NAV2: variants seen among roughly 807,000 people sequenced by gnomAD.
NAV2 encodes the protein neuron navigator 2, also known as helicase, APC down-regulated 1.
In NAV2, 54 loss-of-function variants were observed where a neutral mutation model predicts 223.2. The ratio of observed to expected loss-of-function variants is 0.24; its 90% CI spans 0.19 to 0.30. NAV2 has a LOEUF of 0.30. NAV2 is among the 10% of genes least tolerant of loss of function. The pLI is 1.00. For synonymous variants in NAV2, 1,279 were observed against 1,239.3 expected (o/e 1.03, Z -0.67); for missense variants, 2,806 against 3,147.5 (o/e 0.89, Z 2.60).
intron 1 of NAV2, among the ~76,000 whole-genome samples, chr11:19,367,360 G>A (rs1848321523): frequency 1.3e-5 from 2 of 152,084 alleles, no homozygotes; most frequent in African/African-American, 4.8e-5. Context: ...TTCTCACATT[G>A]TTTTGAGGAA....
intron 1 of NAV2, among the ~76,000 whole-genome samples, chr11:19,542,398 G>T (rs564020953): frequency 1.3e-5 from 2 of 152,334 alleles, no homozygotes; most frequent in East Asian, 3.9e-4. Context: ...TAAGGAATTT[G>T]TTCATGGCCC....
At chr11:19,984,404 A>G (rs1244204937) in intron 11 of NAV2, among the ~76,000 whole-genome samples, 157 bp downstream of exon 11, 1 of 152,102 alleles carries the variant, frequency 6.6e-6, no homozygotes, top group Non-Finnish European at 1.5e-5. Flanking sequence ...GAGCAGGTAC[A>G]GTAGGTAGGA....
chr11:19,488,115 C>G (rs2042506219), intron 1 of NAV2, among the ~76,000 whole-genome samples: 1 of 152,196 alleles, frequency 6.6e-6, no homozygotes, highest in South Asian at 2.1e-4. Flanking sequence ...TGATCCCAGA[C>G]ATGGCAGTGC....
At chr11:19,760,083 GA>G (rs1270598608) in intron 1 of NAV2, 1 of 152,642 alleles carries the variant, frequency 6.6e-6, no homozygotes, top group Admixed American at 6.5e-5. Context: ...CTATGTATTT[GA>G]AAAAGAAAAA....
intron 26 of NAV2, among the ~76,000 whole-genome samples, chr11:20,088,782 C>T (rs971976410): frequency 5.9e-5 from 9 of 152,150 alleles, no homozygotes; most frequent in African/African-American, 2.2e-4. Flanking sequence ...GGTGCCTTAT[C>T]GTGGAGTGCT....
intron 13 of NAV2, 144 bp downstream of exon 13, chr11:20,044,416 C>A (rs2057241399): frequency 2.7e-6 from 2 of 754,002 alleles, no homozygotes; most frequent in African/African-American, 1.7e-5. Context: ...CTTTCACATC[C>A]CTACCTTTTT....
At chr11:19,638,853 C>G (rs1410093440) in intron 1 of NAV2, among the ~76,000 whole-genome samples, 2 of 152,050 alleles carry the variant, frequency 1.3e-5, no homozygotes, top group Non-Finnish European at 2.9e-5. Flanking sequence ...GTTAGCCAGG[C>G]GTGGTGGCGC....
chr11:19,610,312 A>G (rs2046601057), intron 1 of NAV2, among the ~76,000 whole-genome samples: 1 of 151,996 alleles, frequency 6.6e-6, no homozygotes, highest in Admixed American at 6.5e-5. Context: ...TAAGTTAACA[A>G]AAGATAATAA....
chr11:19,830,041 A>T (rs1233565954), intron 1 of NAV2, among the ~76,000 whole-genome samples: 1 of 152,152 alleles, frequency 6.6e-6, no homozygotes, highest in Non-Finnish European at 1.5e-5. Context: ...CCTGGCCAAC[A>T]TGGTGAAGCC....
chr11:20,039,472 C>A (rs934476235), intron 12 of NAV2, among the ~76,000 whole-genome samples: 19 of 152,152 alleles, frequency 1.2e-4, no homozygotes, highest in African/African-American at 3.6e-4. Context: ...CTTCCCAGCC[C>A]CTGCCACCTG....
intron 1 of NAV2, among the ~76,000 whole-genome samples, chr11:19,521,021 C>T (rs756538664): frequency 1.4e-4 from 21 of 152,178 alleles, no homozygotes; most frequent in Non-Finnish European, 2.8e-4. Context: ...AAGGCCCATG[C>T]GCCTGCCTAT....
intron 11 of NAV2, among the ~76,000 whole-genome samples, chr11:20,012,487 C>T (rs1284818922): frequency 1.3e-5 from 2 of 151,606 alleles, no homozygotes; most frequent in East Asian, 1.9e-4. Flanking sequence ...CTAGCCTGGC[C>T]AACATGGAGA....
chr11:19,773,377 G>A (rs2055874196), intron 1 of NAV2, among the ~76,000 whole-genome samples: 2 of 152,174 alleles, frequency 1.3e-5, no homozygotes, highest in South Asian at 2.1e-4. Flanking sequence ...AGAACACTGG[G>A]ACCCTACCTC....
chr11:19,760,283 A>T (rs1230548316), intron 1 of NAV2, among the ~76,000 whole-genome samples: 1 of 152,086 alleles, frequency 6.6e-6, no homozygotes, highest in East Asian at 1.9e-4. Flanking sequence ...CCTTTACCCC[A>T]TTCTCAGGCC....
intron 3 of NAV2, among the ~76,000 whole-genome samples, chr11:19,859,960 T>C (rs1590926509): frequency 8.8e-6 from 1 of 113,340 alleles, no homozygotes; most frequent in African/African-American, 3.5e-5. Flanking sequence ...GAGGTGCCCC[T>C]CACCTCCCGG....
chr11:20,037,789 G>A (rs1470432664), intron 12 of NAV2, among the ~76,000 whole-genome samples: 1 of 152,146 alleles, frequency 6.6e-6, no homozygotes, highest in Non-Finnish European at 1.5e-5. Context: ...CAAGTCAGAA[G>A]TGCCCAGCCA....
At chr11:19,794,276 G>T (rs2057746594) in intron 1 of NAV2, among the ~76,000 whole-genome samples, 1 of 152,128 alleles carries the variant, frequency 6.6e-6, no homozygotes, top group South Asian at 2.1e-4. Context: ...GCCAGCGATG[G>T]TTCCTCCTCC....
intron 11 of NAV2, among the ~76,000 whole-genome samples, chr11:20,026,981 T>G (rs1005159190): frequency 7.9e-5 from 12 of 152,218 alleles, no homozygotes; most frequent in Non-Finnish European, 1.5e-4. Flanking sequence ...TGAAATAATG[T>G]ATGTAGTGCA....
rs147948887 is a variant in NAV2 at position 19,407,737 on chromosome 11, C to T, written c.75+56710C>T. Among the ~76,000 whole-genome samples, 715 of 141,798 alleles carry T rather than the reference C, an allele frequency of 5.0e-3. 8 individuals are homozygous for T. The highest frequency in any genetic ancestry group is 0.017 in the African/African-American group (683 of 39,090). The allele number at this position is 141,798 out of a possible 152,430, so 93.0% of individuals were successfully genotyped here. On this transcript the variant is annotated intron_variant, in intron 1 of 37. Transcript: ENST00000360655. ...CCAACTTGCTACCTTAAAAAGCAATCGCCAGCCTTCTTTCCCTTCCACACT... is the reference window on the plus strand; with the variant it reads ...CCAACTTGCTACCTTAAAAAGCAATTGCCAGCCTTCTTTCCCTTCCACACT...
Sources: allele counts gnomAD v4.1 joint callset (sites outside exome capture counted in the v4.1 genomes callset), GRCh38; gene constraint gnomAD v4.1.1; transcripts MANE v1.5; gene names NCBI Gene and HGNC (gene_info 2026-07-23, HGNC 2026-07-21).